CCDC186: variants seen among roughly 807,000 people sequenced by gnomAD.
The protein encoded by CCDC186 is coiled-coil domain-containing protein 186.
A neutral mutation model predicts 113.7 loss-of-function variants in CCDC186; 49 were observed. The ratio of observed to expected loss-of-function variants is 0.43; its 90% confidence interval spans 0.34 to 0.55. The LOEUF is 0.55. CCDC186 is among the 20% of genes least tolerant of loss of function. The pLI is 0.02. For missense variants in CCDC186, 890 were observed against 1,011.1 expected (o/e 0.88, Z 1.62); for synonymous variants, 355 against 345.8 (o/e 1.03, Z -0.30).
Position 114,145,746 on chromosome 10 carries a change from C to T in CCDC186, c.904G>A (p.Glu302Lys), listed in dbSNP as rs1450618793. ...QRMEQANKKCEEARQEKEAMV... is the reference protein window; with the variant it reads ...QRMEQANKKCKEARQEKEAMV... ...GCTTCTTTTTCTTGGCGTGCCTCTTCACATTTCTTGTTGGCCTTCAAAAAA... is the reference window on the plus strand; with the variant it reads ...GCTTCTTTTTCTTGGCGTGCCTCTTTACATTTCTTGTTGGCCTTCAAAAAA... Residue 302 changes from glutamate (E) to lysine (K), a missense_variant, in exon 5 of 16, where the codon GAA becomes AAA. Physicochemically the swap from Glu to Lys is moderately conservative, Grantham distance 56 (BLOSUM62 1). Coordinates refer to ENST00000369287, the MANE Select transcript of CCDC186 (RefSeq NM_018017.4). The T allele has an allele frequency of 2.5e-6, 4 of 1,583,466 alleles. No individual in the cohort carries two copies. The African/African-American group carries it at 4.1e-5, about 16-fold the overall frequency.
chr10:114,163,945 T>C (rs1424428116), intron 1 of CCDC186, among the ~76,000 whole-genome samples: 1 of 151,854 alleles, frequency 6.6e-6, no homozygotes, highest in South Asian at 2.1e-4. Flanking sequence ...ATCCAGGAAG[T>C]ACCATGGTGA....
intron 9 of CCDC186, among the ~76,000 whole-genome samples, chr10:114,135,310 CA>C (rs1300283181): frequency 1.3e-5 from 2 of 151,958 alleles, no homozygotes; most frequent in African/African-American, 2.4e-5. Context: ...TCCTCTACCT[CA>C]AAAAACTGGC....
intron 10 of CCDC186, among the ~76,000 whole-genome samples, chr10:114,134,190 T>G (rs2031184717): frequency 6.6e-6 from 1 of 152,222 alleles, no homozygotes; most frequent in Admixed American, 6.5e-5. Flanking sequence ...GCTCCCATTT[T>G]TTCTGTGAAG....
In CCDC186 at chr10:114,123,003, A is replaced by C; in HGVS notation, c.*2140T>G. ...TATATACATTTTAAAGTGTATAGGCATAGGATACTATGGATCAGATCACTA... is the reference window on the plus strand; with the variant it reads ...TATATACATTTTAAAGTGTATAGGCCTAGGATACTATGGATCAGATCACTA... On this transcript the variant is annotated 3_prime_UTR_variant, in exon 16 of 16. Transcript: ENST00000369287. 1 of 152,378 alleles carries C rather than the reference A, an allele frequency of 6.6e-6. No individual in the cohort carries two copies. The highest frequency in any genetic ancestry group is 1.9e-4 in the East Asian group (1 of 5,204). 9.4% of individuals were successfully genotyped at this position (152,378 alleles called of 1,614,324 possible). A position where few individuals can be genotyped will look rare whatever the true frequency, so the allele number is the denominator to read the frequency against.
intron 3 of CCDC186, among the ~76,000 whole-genome samples, chr10:114,152,804 A>T (rs2031894121): frequency 6.6e-6 from 1 of 152,198 alleles, no homozygotes; most frequent in African/African-American, 2.4e-5. Context: ...AAAAATATAT[A>T]ATGCAAACAG....
intron 6 of CCDC186, among the ~76,000 whole-genome samples, chr10:114,143,253 CA>C (rs1190649704): frequency 6.6e-6 from 1 of 152,160 alleles, no homozygotes; most frequent in Admixed American, 6.6e-5. Context: ...AGATCTGTAA[CA>C]GTTCTTTTGT....
chr10:114,149,758 A>AAGGCAGGAAGGAAGGAAGGAAGGC, intron 4 of CCDC186, among the ~76,000 whole-genome samples: 1 of 28,118 alleles, frequency 3.6e-5, no homozygotes, highest in Middle Eastern at 0.014. Context: ...GGAAGGCAGG[A>AAGGCAGGAAGGAAGGAAGGAAGGC]AGGAAGGAAG....
chr10:114,159,946 G>C (rs1036744075), intron 2 of CCDC186, among the ~76,000 whole-genome samples: 1 of 151,998 alleles, frequency 6.6e-6, no homozygotes, highest in African/African-American at 2.4e-5. Context: ...TTGGGCAAGA[G>C]AGCAAGACCC....
rs1321518016 is a variant in CCDC186 at position 114,129,927 on chromosome 10, CTTT to C, written c.2143_2145del (p.Lys715del). On this transcript the variant is annotated inframe_deletion, in exon 13 of 16. Coordinates refer to ENST00000369287, the MANE Select transcript of CCDC186 (RefSeq NM_018017.4). Reference sequence around the variant, plus strand: ...GAACGACTTCCCATGCTGCTGACTTCTTTGTCATAGCTTCCACTCTCAACCTGA... The same window carrying C: ...GAACGACTTCCCATGCTGCTGACTTCGTCATAGCTTCCACTCTCAACCTGA... The C allele has an allele frequency of 1.2e-6, 2 of 1,613,684 alleles. No homozygotes were observed. The highest frequency in any genetic ancestry group is 1.7e-5 in the Admixed American group (1 of 59,976).
intron 1 of CCDC186, chr10:114,168,424 A>G (rs1229382907): frequency 1.3e-5 from 2 of 152,352 alleles, no homozygotes; most frequent in East Asian, 3.9e-4. Context: ...TCTAATTAGC[A>G]GTATAAACAA....
chr10:114,134,117 G>A (rs2031179540), intron 10 of CCDC186, among the ~76,000 whole-genome samples: 1 of 152,168 alleles, frequency 6.6e-6, no homozygotes, highest in Non-Finnish European at 1.5e-5. Context: ...CAGAAAATAT[G>A]GCTGCAGATG....
chr10:114,154,886 TA>T (rs1172891207), intron 3 of CCDC186, among the ~76,000 whole-genome samples: 2 of 152,318 alleles, frequency 1.3e-5, no homozygotes, highest in Non-Finnish European at 2.9e-5. Flanking sequence ...TATAATGAAC[TA>T]CTATTCAATC....
chr10:114,163,307 T>C lies in CCDC186; in HGVS notation c.-39A>G, dbSNP rs1037886742. The C allele has an allele frequency of 6.4e-7, 1 of 1,569,446 alleles. No individual in the cohort carries two copies. The highest frequency in any genetic ancestry group is 8.6e-7 in the Non-Finnish European group (1 of 1,166,930). On this transcript the variant is annotated 5_prime_UTR_variant, in exon 2 of 16. Coordinates refer to ENST00000369287, the MANE Select transcript of CCDC186 (RefSeq NM_018017.4). ...AATTCACTTTGTAATTCTTCAAATC[T>C]GCTCCTGATCTTCGTTTTACATCTA...
rs1440298475 is a variant in CCDC186, at chr10:114,149,774, AAGGC to A, written c.888+1314_888+1317del. On this transcript the variant is annotated intron_variant, in intron 4 of 15. Transcript: ENST00000369287. ...GAAGGCAGGAAGGAAGGAAGGAAGG[AAGGC>A]AGGAAGGCAGGAAGGAAGGAAGGAA... Among the ~76,000 whole-genome samples, 225 of 46,338 alleles carry A rather than the reference AAGGC, an allele frequency of 4.9e-3. 1 individual carries two copies. The highest frequency in any genetic ancestry group is 0.014 in the African/African-American group (131 of 9,436). The allele number at this position is 46,338 out of a possible 152,430, so 30.4% of individuals were successfully genotyped here.
chr10:114,129,719 G>A (rs774803960), intron 13 of CCDC186, among the ~76,000 whole-genome samples, 172 bp downstream of exon 13: 12 of 151,840 alleles, frequency 7.9e-5, no homozygotes, highest in Non-Finnish European at 1.6e-4. Context: ...TAGTAGAGAC[G>A]GGGTTTCTCC....
At chr10:114,127,948 A>C (rs1327919493) in intron 13 of CCDC186, among the ~76,000 whole-genome samples, 1 of 152,200 alleles carries the variant, frequency 6.6e-6, no homozygotes, top group African/African-American at 2.4e-5. Context: ...TTAAACTATA[A>C]CAGAACAAAG....
intron 15 of CCDC186, 115 bp from the exon 16 acceptor site, chr10:114,125,341 C>A (rs960704301): frequency 6.0e-6 from 4 of 671,928 alleles, no homozygotes; most frequent in Non-Finnish European, 5.0e-6. Flanking sequence ...GTGGTTAGTC[C>A]TAAATGCTAT....
At position 114,166,302 on chromosome 10, in the gene CCDC186, G is replaced by A. The variant is rs145352483; in HGVS notation, c.-61-2973C>T. 3.4e-3 allele frequency among the ~76,000 whole-genome samples: 513 copies of A among 152,216 alleles called. 4 individuals are homozygous for A. The highest frequency in any genetic ancestry group is 0.012 in the African/African-American group (483 of 41,532). ...TAACTCAAAGATTCCCCCAACTTGCGTATTAACATTTCAATGGCTTTGTTC... is the reference window on the plus strand; with the variant it reads ...TAACTCAAAGATTCCCCCAACTTGCATATTAACATTTCAATGGCTTTGTTC... On this transcript the variant is annotated intron_variant, in intron 1 of 15. Coordinates refer to ENST00000369287, the MANE Select transcript of CCDC186 (RefSeq NM_018017.4).
At position 114,149,732 on chromosome 10, in the gene CCDC186, C is replaced by CAAAG. The variant is rs1564912833; in HGVS notation, c.888+1359_888+1360insCTTT. ...GGAAAGGGAGGAAGGGAGGAAGGGA[C>CAAAG]GAAGGAAGGAAGGCAGGAAGGCAGG... is the stretch of plus-strand genomic sequence containing the variant. On this transcript the variant is annotated intron_variant, in intron 4 of 15. Coordinates refer to ENST00000369287, the MANE Select transcript of CCDC186 (RefSeq NM_018017.4). Among the ~76,000 whole-genome samples, 14 of 98,704 alleles carry CAAAG rather than the reference C, an allele frequency of 1.4e-4. 1 individual carries two copies. The highest frequency in any genetic ancestry group is 5.5e-4 in the African/African-American group (13 of 23,522). 64.8% of individuals were successfully genotyped at this position (98,704 alleles called of 152,430 possible). A position where few individuals can be genotyped will look rare whatever the true frequency, so the allele number is the denominator to read the frequency against.
Sources: gnomAD v4.1 joint callset for allele counts (sites outside exome capture counted in the v4.1 genomes callset) on GRCh38, gnomAD v4.1.1 for gene constraint, MANE v1.5 for transcripts, NCBI Gene and HGNC (gene_info 2026-07-23, HGNC 2026-07-21) for gene names.